The following ATP13A4 variants were observed in gnomAD, a reference collection of about 807,000 sequenced individuals.
ATP13A4 encodes probable cation-transporting ATPase 13A4.
A neutral mutation model predicts 142.5 loss-of-function variants in ATP13A4; 114 were observed. The ratio of observed to expected loss-of-function variants is 0.80; its 90% confidence interval spans 0.69 to 0.93. The LOEUF (loss-of-function observed/expected upper bound fraction) is 0.93, where lower values mean the gene tolerates loss of function less well. Ranked by LOEUF, ATP13A4 falls within the 40% of genes least tolerant of loss-of-function variation. ATP13A4 has a pLI of 0.00. For missense variants in ATP13A4, 1,392 were observed against 1,454.0 expected (o/e 0.96, Z 0.69); for synonymous variants, 488 against 514.8 (o/e 0.95, Z 0.70).
chr3:193,467,555 A>G, intron 9 of ATP13A4, 69 bp from the exon 10 acceptor site: 4 of 1,491,710 alleles, frequency 2.7e-6, no homozygotes, highest in Non-Finnish European at 3.7e-6. Flanking sequence ...GCCTGCACCC[A>G]CTCATCATAC....
chr3:193,514,219 T>C (rs1721285359), intron 2 of ATP13A4, among the ~76,000 whole-genome samples: 2 of 152,194 alleles, frequency 1.3e-5, no homozygotes, highest in Admixed American at 6.5e-5. Context: ...TTGTTTTCCC[T>C]GATCCTCTCC....
rs1347511030 is a variant in ATP13A4, at chr3:193,400,396, AAGAC to A, written c.*2252_*2255del. 2.6e-5 allele frequency among the ~76,000 whole-genome samples: 4 copies of A among 152,224 alleles called. No homozygotes were observed. The highest frequency in any genetic ancestry group is 2.1e-4 in the South Asian group (1 of 4,834). ...GGCAAGAGCAACTCAAAGTCTCAGA[AAGAC>A]AGACAATCATTTTTTTGTTTTGTTT... is the stretch of plus-strand genomic sequence containing the variant. On this transcript the variant is annotated 3_prime_UTR_variant, in exon 30 of 30. Coordinates refer to ENST00000342695, the MANE Select transcript of ATP13A4 (RefSeq NM_032279.4).
At chr3:193,463,068 A>G (rs1268150241) in intron 12 of ATP13A4, among the ~76,000 whole-genome samples, 2 of 152,154 alleles carry the variant, frequency 1.3e-5, no homozygotes, top group East Asian at 1.9e-4. Flanking sequence ...AAAATACTTC[A>G]CAAACATATT....
intron 1 of ATP13A4, among the ~76,000 whole-genome samples, chr3:193,584,483 A>G (rs186810524): frequency 1.3e-5 from 2 of 152,332 alleles, no homozygotes; most frequent in Admixed American, 1.3e-4. Context: ...TACAGCAGCA[A>G]TAGGAAACGA....
chr3:193,510,908 A>G (rs1721108567), intron 2 of ATP13A4, among the ~76,000 whole-genome samples: 1 of 152,228 alleles, frequency 6.6e-6, no homozygotes, highest in African/African-American at 2.4e-5. Context: ...ATCACAGTCC[A>G]GCTATTGTAA....
intron 8 of ATP13A4, among the ~76,000 whole-genome samples, chr3:193,478,443 A>C (rs1164717507): frequency 6.6e-6 from 1 of 152,050 alleles, no homozygotes; most frequent in African/African-American, 2.4e-5. Flanking sequence ...AATGGGAGAT[A>C]TTACAACTGA....
At chr3:193,504,815 A>T (rs1025231820) in intron 2 of ATP13A4, among the ~76,000 whole-genome samples, 2 of 152,334 alleles carry the variant, frequency 1.3e-5, no homozygotes, top group Middle Eastern at 3.4e-3. Flanking sequence ...CTTGCCACCA[A>T]GTAGGGACAA....
At chr3:193,554,443 C>T in intron 1 of ATP13A4, 1 of 468,466 alleles carries the variant, frequency 2.1e-6, no homozygotes, top group South Asian at 2.1e-5. Context: ...GAGGCTCAAA[C>T]AAGAATCATA....
rs1719084925 is a variant in ATP13A4 at position 193,478,294 on chromosome 3, T to C, written c.808+5642A>G. On this transcript the variant is annotated intron_variant, in intron 8 of 29. Coordinates refer to ENST00000342695, the MANE Select transcript of ATP13A4 (RefSeq NM_032279.4). The stretch of plus-strand genomic sequence containing the variant: ...AGATCAGAGCAGAACTAAATGAAAT[T>C]GAAACAAAAAAAAAGCCCACAAAAG... Among the ~76,000 whole-genome samples, 3 of 149,570 alleles carry C rather than the reference T, an allele frequency of 2.0e-5. No homozygotes were observed. The South Asian group carries it at 6.4e-4, about 32-fold the overall frequency.
intron 1 of ATP13A4, among the ~76,000 whole-genome samples, chr3:193,545,179 T>C (rs1253396922): frequency 6.6e-6 from 1 of 152,214 alleles, no homozygotes; most frequent in Non-Finnish European, 1.5e-5. Flanking sequence ...TGAAGCATTT[T>C]TCACAATATT....
intron 18 of ATP13A4, among the ~76,000 whole-genome samples, chr3:193,443,304 G>A (rs936747538): frequency 3.9e-5 from 6 of 152,312 alleles, no homozygotes; most frequent in East Asian, 1.9e-4. Flanking sequence ...AGAGCTGTGC[G>A]TGTGTGGACC....
rs531609582 is a variant in ATP13A4 at position 193,562,677 on chromosome 3, C to T, written n.291+19030G>A. ...ATGAGGTCAGGAGTTCAAGACTATC[C>T]TGGCTAACACGATGAAACCCCATCT... is the stretch of plus-strand genomic sequence containing the variant. On this transcript the variant is annotated intron_variant and non_coding_transcript_variant, in intron 2 of 3. Coordinates refer to the ATP13A4 transcript ENST00000489140. 3.9e-5 allele frequency among the ~76,000 whole-genome samples: 6 copies of T among 152,248 alleles called. No homozygotes were observed. The East Asian group carries it at 1.2e-3, about 29-fold the overall frequency.
intron 8 of ATP13A4, among the ~76,000 whole-genome samples, chr3:193,475,223 G>A (rs767281389): frequency 6.6e-6 from 1 of 152,026 alleles, no homozygotes; most frequent in Non-Finnish European, 1.5e-5. Context: ...AGCACTATTT[G>A]TAGTAGTAAA....
At chr3:193,448,857 T>C (rs1717109105) in intron 17 of ATP13A4, among the ~76,000 whole-genome samples, 1 of 152,178 alleles carries the variant, frequency 6.6e-6, no homozygotes, top group Non-Finnish European at 1.5e-5. Flanking sequence ...CTTTAACCTT[T>C]GCAGAAAATG....
At chr3:193,523,311 A>T (rs1295852162) in intron 1 of ATP13A4, among the ~76,000 whole-genome samples, 1 of 152,036 alleles carries the variant, frequency 6.6e-6, no homozygotes, top group East Asian at 1.9e-4. Context: ...TCTCAAAAAA[A>T]AAAAAATCAA....
intron 3 of ATP13A4, among the ~76,000 whole-genome samples, chr3:193,500,760 A>G (rs1720498431): frequency 6.6e-6 from 1 of 152,134 alleles, no homozygotes; most frequent in South Asian, 2.1e-4. Context: ...CCCCTCCTTT[A>G]AATGCCCCTA....
At position 193,407,366 on chromosome 3, in the gene ATP13A4, C is replaced by T. The variant is rs1434093700; in HGVS notation, c.3325G>A (p.Ala1109Thr). 9 of 1,613,466 alleles carry T rather than the reference C, an allele frequency of 5.6e-6. No homozygotes were observed. Among genetic ancestry groups the T allele is most frequent in the Non-Finnish European group, 6.8e-6 (8 of 1,179,636 alleles). ...AAGCTGAGCATGATGACAATGGAGG[C>T]CCTCCACAGGACGGGAGTGCAGAGC... ...DLLCTPVLWR[A>T]SIVIMLSLNF... Residue 1109 changes from alanine (A) to threonine (T), a missense_variant, in exon 29 of 30, where the codon GCC becomes ACC. By Grantham distance (58) the Ala-to-Thr change is moderately conservative. Transcript: ENST00000342695.
chr3:193,506,588 G>A (rs1720871017), intron 2 of ATP13A4, among the ~76,000 whole-genome samples: 1 of 152,144 alleles, frequency 6.6e-6, no homozygotes, highest in Non-Finnish European at 1.5e-5. Flanking sequence ...GCTATCTCGT[G>A]ATATGGTTTG....
chr3:193,502,551 G>A lies in ATP13A4; in HGVS notation c.323C>T (p.Pro108Leu). ...NSAFGLTPDH[P>L]LMTDEEYIIN... is the part of the protein sequence containing the mutation. ...GATATACTCCTCATCTGTCATGAGA[G>A]GGTGGTCAGGAGTGAGACCAAATGC... The change falls in exon 3 of 30, where the codon CCT (proline) becomes CTT (leucine). Residue 108 changes from proline (P) to leucine (L), a missense_variant. Transcript: ENST00000342695. 1.2e-6 allele frequency: 2 copies of A among 1,613,800 alleles called. No individual in the cohort carries two copies. Among genetic ancestry groups the A allele is most frequent in the Non-Finnish European group, 1.7e-6 (2 of 1,179,736 alleles).
Sources: allele counts gnomAD v4.1 joint callset (sites outside exome capture counted in the v4.1 genomes callset), GRCh38; gene constraint gnomAD v4.1.1; transcripts MANE v1.5; gene names NCBI Gene and HGNC (gene_info 2026-07-23, HGNC 2026-07-21).